ADAM28: variants seen among roughly 807,000 people sequenced by gnomAD.
The protein encoded by ADAM28 is ADAM metallopeptidase domain 28.
In ADAM28, 105 loss-of-function variants were observed where a neutral mutation model predicts 101.2. The ratio of observed to expected loss-of-function variants is 1.04; its 90% CI spans 0.89 to 1.22. ADAM28 has a LOEUF of 1.22. Among genes scored for constraint, ADAM28 ranks in the 50% most tolerant of loss-of-function variants. ADAM28 has a pLI of 0.00. For synonymous variants in ADAM28, 322 were observed against 310.6 expected (o/e 1.04, Z -0.39); for missense variants, 1,028 against 945.4 (o/e 1.09, Z -1.15).
chr8:24,351,795 A>G (rs1314973085), intron 20 of ADAM28, among the ~76,000 whole-genome samples, 192 bp from the exon 21 acceptor site: 1 of 152,158 alleles, frequency 6.6e-6, no homozygotes, highest in Middle Eastern at 3.2e-3. Flanking sequence ...TTTGATGAAA[A>G]CTTTTCATTA....
chr8:24,301,341 G>T (rs1196056298), intron 2 of ADAM28, among the ~76,000 whole-genome samples: 1 of 152,066 alleles, frequency 6.6e-6, no homozygotes, highest in East Asian at 1.9e-4. Context: ...TCTTTAAAAT[G>T]TCAGACACCT....
intron 4 of ADAM28, chr8:24,310,460 T>C: frequency 4.4e-6 from 2 of 455,550 alleles, no homozygotes; most frequent in South Asian, 2.6e-5. Flanking sequence ...TTCCAGCCTT[T>C]AAGGACCCCT....
At chr8:24,330,336 C>G (rs1813211098) in intron 11 of ADAM28, among the ~76,000 whole-genome samples, 1 of 152,050 alleles carries the variant, frequency 6.6e-6, no homozygotes, top group African/African-American at 2.4e-5. Flanking sequence ...TCATTTTATC[C>G]TCATCTTATC....
intron 3 of ADAM28, 94 bp from the exon 4 acceptor site, chr8:24,310,069 A>G: frequency 6.6e-7 from 1 of 1,507,834 alleles, no homozygotes; most frequent in Non-Finnish European, 9.2e-7. Flanking sequence ...ACAAACCTGG[A>G]CTAATCAGCG....
At chr8:24,351,587 C>G (rs1355867323) in intron 20 of ADAM28, 1 of 525,152 alleles carries the variant, frequency 1.9e-6, no homozygotes, top group East Asian at 3.5e-5. Context: ...CATTCTCTCT[C>G]CCTCTCTCAC....
intron 8 of ADAM28, 90 bp downstream of exon 8, chr8:24,321,379 A>G: frequency 9.1e-7 from 1 of 1,097,146 alleles, no homozygotes; most frequent in African/African-American, 1.5e-5. Context: ...GCATGGAAGC[A>G]AAGTCAAGAC....
chr8:24,310,253 T>C lies in ADAM28; in HGVS notation c.306+12T>C, dbSNP rs375211609. 5.6e-6 allele frequency: 9 copies of C among 1,607,552 alleles called. No individual in the cohort carries two copies. In the African/African-American group the frequency reaches 9.4e-5, roughly 17 times the overall value. On this transcript the variant is annotated intron_variant, in intron 4 of 22. Transcript: ENST00000265769. ...GCCCACAAATTATGGTATAACGGAG[T>C]CTCTTCAATTCTTTAATTAGGGTTT... is the stretch of plus-strand genomic sequence containing the variant.
At chr8:24,308,308 C>T (rs1269581711) in intron 2 of ADAM28, among the ~76,000 whole-genome samples, 4 of 152,180 alleles carry the variant, frequency 2.6e-5, no homozygotes, top group African/African-American at 7.2e-5. Context: ...ATTATTATTA[C>T]ATTACCCAGT....
chr8:24,299,590 G>A (rs1808432486), intron 1 of ADAM28, among the ~76,000 whole-genome samples: 1 of 151,984 alleles, frequency 6.6e-6, no homozygotes, highest in African/African-American at 2.4e-5. Flanking sequence ...AATTTTTCTG[G>A]GACTGATTCG....
At chr8:24,339,431 A>ATTTTC in intron 14 of ADAM28, 35 bp from the exon 15 acceptor site, 2 of 1,518,858 alleles carry the variant, frequency 1.3e-6, no homozygotes, top group Non-Finnish European at 1.8e-6. Flanking sequence ...TCAAAAATCT[A>ATTTTC]TTTTCTTTTC....
intron 13 of ADAM28, among the ~76,000 whole-genome samples, chr8:24,333,607 T>G (rs1227144046): frequency 6.6e-6 from 1 of 152,228 alleles, no homozygotes; most frequent in Admixed American, 6.5e-5. Flanking sequence ...TACCTGCTGC[T>G]GTTTCTCATG....
chr8:24,349,823 TG>T, intron 18 of ADAM28, 40 bp from the exon 19 acceptor site: 1 of 1,493,152 alleles, frequency 6.7e-7, no homozygotes, highest in South Asian at 1.1e-5. Flanking sequence ...TGCAGATGTG[TG>T]TTTCTGCAGT....
At chr8:24,336,883 G>A (rs888411838) in intron 14 of ADAM28, among the ~76,000 whole-genome samples, 6 of 152,084 alleles carry the variant, frequency 3.9e-5, no homozygotes, top group Non-Finnish European at 8.8e-5. Context: ...AATAGTTTCA[G>A]ACTCCTACTT....
chr8:24,303,115 T>A (rs1809057094), intron 2 of ADAM28, among the ~76,000 whole-genome samples: 1 of 152,170 alleles, frequency 6.6e-6, no homozygotes, highest in Non-Finnish European at 1.5e-5. Flanking sequence ...TGATGATAGT[T>A]TATTTTGCTG....
At chr8:24,294,253 C>T (rs1807666036) in intron 1 of ADAM28, 58 bp downstream of exon 1, 1 of 1,546,944 alleles carries the variant, frequency 6.5e-7, no homozygotes, top group Non-Finnish European at 8.9e-7. Context: ...TTTTCATAGT[C>T]TCCTAATAGT....
At chr8:24,314,924 C>CAA (rs74273500) in intron 6 of ADAM28, among the ~76,000 whole-genome samples, 2,457 of 105,160 alleles carry the variant, frequency 0.023, 70 homozygotes, top group African/African-American at 0.077. Context: ...ACGGTAAATA[C>CAA]AAAAAAAAAA....
chr8:24,332,851 T>G (rs367795734), intron 13 of ADAM28, 102 bp downstream of exon 13: 1 of 603,732 alleles, frequency 1.7e-6, no homozygotes, highest in African/African-American at 1.9e-5. Flanking sequence ...TATTTTTCTT[T>G]ATATAAAATG....
chr8:24,337,084 G>A (rs1814186651), intron 14 of ADAM28, among the ~76,000 whole-genome samples: 1 of 152,170 alleles, frequency 6.6e-6, no homozygotes, highest in Non-Finnish European at 1.5e-5. Flanking sequence ...AAATAGACAA[G>A]ACCCTAGAAA....
At chr8:24,349,230 A>C (rs1047764311) in intron 18 of ADAM28, among the ~76,000 whole-genome samples, 1 of 152,214 alleles carries the variant, frequency 6.6e-6, no homozygotes, top group Non-Finnish European at 1.5e-5. Context: ...GTTTCAGATT[A>C]TTGTAAGAGA....
Sources: allele counts gnomAD v4.1 joint callset (sites outside exome capture counted in the v4.1 genomes callset), GRCh38; gene constraint gnomAD v4.1.1; transcripts MANE v1.5; gene names NCBI Gene and HGNC (gene_info 2026-07-23, HGNC 2026-07-21).